OTULINL: variants seen among roughly 807,000 people sequenced by gnomAD.
OTULINL encodes inactive ubiquitin thioesterase OTULINL.
Under a neutral mutation model 43.9 loss-of-function variants are expected in OTULINL, and 42 were observed. The ratio of observed to expected loss-of-function variants is 0.96; its 90% CI spans 0.75 to 1.24. The LOEUF (loss-of-function observed/expected upper bound fraction) is 1.24, where lower values mean the gene tolerates loss of function less well. Ranked by LOEUF, OTULINL falls within the 50% of genes most tolerant of loss-of-function variation. The pLI, the probability that OTULINL is intolerant of heterozygous loss-of-function variation, is 0.00. For synonymous variants in OTULINL, 172 were observed against 153.6 expected, an observed-to-expected ratio of 1.12 and a Z score of -0.88; for missense variants, 411 against 426.4, an observed-to-expected ratio of 0.96 and a Z score of 0.32.
chr5:14,590,783 T>C (rs1214385733), intron 1 of OTULINL, among the ~76,000 whole-genome samples: 1 of 152,218 alleles, frequency 6.6e-6, no homozygotes, highest in Non-Finnish European at 1.5e-5. Flanking sequence ...CTGGCTAGGA[T>C]GCTACTATAG....
chr5:14,604,494 T>C (rs528989792), intron 5 of OTULINL, among the ~76,000 whole-genome samples: 1 of 152,330 alleles, frequency 6.6e-6, no homozygotes, highest in East Asian at 1.9e-4. Flanking sequence ...CATTTCAGCA[T>C]TAACTCAAAA....
chr5:14,592,626 C>A (rs1560961118), intron 1 of OTULINL, among the ~76,000 whole-genome samples: 1 of 152,172 alleles, frequency 6.6e-6, no homozygotes, highest in Non-Finnish European at 1.5e-5. Flanking sequence ...GCTGAGGGAG[C>A]ACTCTGGGAA....
At position 14,612,331 on chromosome 5, in the gene OTULINL, T is replaced by G. The variant is rs1759595171; in HGVS notation, c.*2017T>G. 1 of 152,224 alleles carries G rather than the reference T, an allele frequency of 6.6e-6. No individual in the cohort carries two copies. Among genetic ancestry groups the G allele is most frequent in the South Asian group, 2.1e-4 (1 of 4,826 alleles). The allele number at this position is 152,224 out of a possible 1,614,324, so 9.4% of individuals were successfully genotyped here. A position where few individuals can be genotyped will look rare whatever the true frequency, so the allele number is the denominator to read the frequency against. On this transcript the variant is annotated 3_prime_UTR_variant, in exon 8 of 8. Coordinates refer to ENST00000274217, the MANE Select transcript of OTULINL (RefSeq NM_019018.3). ...CTCACCTTGGATCTCCTTACTAGTG[T>G]AATTATTTCCACATCAATCCAGGAC...
chr5:14,583,966 C>T (rs1405003793), intron 1 of OTULINL, among the ~76,000 whole-genome samples: 1 of 152,102 alleles, frequency 6.6e-6, no homozygotes, highest in Non-Finnish European at 1.5e-5. Flanking sequence ...AAATCATGGA[C>T]TAAGCATCTC....
rs1043290196 is a variant in OTULINL, at chr5:14,609,617, TG to T, written c.898-523del. 2.2e-3 allele frequency among the ~76,000 whole-genome samples: 270 copies of T among 121,698 alleles called. 1 individual carries two copies. The highest frequency in any genetic ancestry group is 8.1e-3 in the African/African-American group (258 of 31,914). The allele number at this position is 121,698 out of a possible 152,430, so 79.8% of individuals were successfully genotyped here. Reference sequence around the variant, plus strand: ...TAATTTTTTTCAAGTAGCTTTTTCCTGTGATTTTTTTTTTTTTTTTTTTTTT... The same window carrying T: ...TAATTTTTTTCAAGTAGCTTTTTCCTTGATTTTTTTTTTTTTTTTTTTTTT... On this transcript the variant is annotated intron_variant, in intron 7 of 7. Coordinates refer to ENST00000274217, the MANE Select transcript of OTULINL (RefSeq NM_019018.3).
At chr5:14,600,114 C>G (rs1759358538) in intron 1 of OTULINL, among the ~76,000 whole-genome samples, 1 of 152,152 alleles carries the variant, frequency 6.6e-6, no homozygotes, top group Admixed American at 6.6e-5. Context: ...GGGAGGGACC[C>G]AGTGGGAGGT....
At chr5:14,603,969 C>G (rs1192084880) in intron 5 of OTULINL, among the ~76,000 whole-genome samples, 2 of 152,150 alleles carry the variant, frequency 1.3e-5, no homozygotes, top group Non-Finnish European at 2.9e-5. Context: ...TCCATTTCAT[C>G]TAGCAAATGC....
Position 14,612,927 on chromosome 5 carries a change from A to T in OTULINL, c.*2613A>T, listed in dbSNP as rs961556465. Among the ~76,000 whole-genome samples, 1 of 29,234 alleles carries T rather than the reference A, an allele frequency of 3.4e-5. No individual in the cohort carries two copies. The highest frequency in any genetic ancestry group is 8.6e-5 in the Non-Finnish European group (1 of 11,578). The allele number at this position is 29,234 out of a possible 152,430, so 19.2% of individuals were successfully genotyped here. ...CATAACATATAGTTTATATTTTAAC[A>T]ATTTTTTTTTTTGAGACGGAGTTTC... On this transcript the variant is annotated 3_prime_UTR_variant, in exon 8 of 8. Coordinates refer to ENST00000274217, the MANE Select transcript of OTULINL (RefSeq NM_019018.3).
chr5:14,593,047 C>T (rs745860276), intron 1 of OTULINL, among the ~76,000 whole-genome samples: 138 of 152,168 alleles, frequency 9.1e-4, no homozygotes, highest in Middle Eastern at 3.2e-3. Flanking sequence ...TCTGTTCCCA[C>T]TAGGAGTCTG....
At chr5:14,605,795 C>T (rs1197309782) in intron 5 of OTULINL, among the ~76,000 whole-genome samples, 1 of 152,198 alleles carries the variant, frequency 6.6e-6, no homozygotes, top group African/African-American at 2.4e-5. Context: ...CTCCAGTTTC[C>T]AAGTTCCTCA....
At position 14,608,747 on chromosome 5, in the gene OTULINL, G is replaced by A. The variant is rs1371553228; in HGVS notation, c.628-1G>A. 6.3e-7 allele frequency: 1 copy of A among 1,594,800 alleles called. No individual in the cohort carries two copies. The highest frequency in any genetic ancestry group is 8.6e-7 in the Non-Finnish European group (1 of 1,166,682). On this transcript the variant is annotated splice_acceptor_variant, in intron 6 of 7. Transcript: ENST00000274217. LOFTEE classifies it high-confidence loss of function. ...AATTTCACTTTTACATCTGTTTTTA[G>A]TGGACTGAATTTAATGGCATTAGAG...
Position 14,614,884 on chromosome 5 carries a change from G to A in OTULINL, c.*4570G>A. Reference sequence around the variant, plus strand: ...TGGTCCTTATAGTCAGTACCATCAGGTCTTAGATTGTTAAGTCATTTTGCT... The same window carrying A: ...TGGTCCTTATAGTCAGTACCATCAGATCTTAGATTGTTAAGTCATTTTGCT... On this transcript the variant is annotated 3_prime_UTR_variant, in exon 8 of 8. Transcript: ENST00000274217. 2.5e-6 allele frequency: 1 copy of A among 397,338 alleles called. No individual in the cohort carries two copies. The highest frequency in any genetic ancestry group is 4.4e-6 in the Non-Finnish European group (1 of 225,814). The allele number at this position is 397,338 out of a possible 1,614,324, so 24.6% of individuals were successfully genotyped here. A position where few individuals can be genotyped will look rare whatever the true frequency, so the allele number is the denominator to read the frequency against.
chr5:14,609,853 C>T (rs976455441), intron 7 of OTULINL, among the ~76,000 whole-genome samples: 5 of 152,144 alleles, frequency 3.3e-5, no homozygotes, highest in African/African-American at 4.8e-5. Context: ...CTCCTGACCT[C>T]GTGATCCGCC....
chr5:14,605,599 G>T (rs553886436), intron 5 of OTULINL, among the ~76,000 whole-genome samples: 1 of 151,916 alleles, frequency 6.6e-6, no homozygotes, highest in Non-Finnish European at 1.5e-5. Flanking sequence ...GAACTTTTAC[G>T]CTCTCTCTTT....
At chr5:14,600,706 A>G (rs1288092921) in intron 1 of OTULINL, among the ~76,000 whole-genome samples, 1 of 152,204 alleles carries the variant, frequency 6.6e-6, no homozygotes, top group East Asian at 1.9e-4. Flanking sequence ...TCTGAAGCCC[A>G]TACTCTTTAT....
chr5:14,614,770 G>C lies in OTULINL; in HGVS notation c.*4456G>C, dbSNP rs995319936. The C allele has an allele frequency of 5.0e-6, 2 of 398,504 alleles. No homozygotes were observed. Among genetic ancestry groups the C allele is most frequent in the African/African-American group, 2.1e-5 (1 of 48,614 alleles). The allele number at this position is 398,504 out of a possible 1,614,324, so 24.7% of individuals were successfully genotyped here. ...GCCAGCATGGAGGAGGGCTGTGTGA[G>C]CAGACTGCTATAGAATGCTAAAGTT... On this transcript the variant is annotated 3_prime_UTR_variant, in exon 8 of 8. Coordinates refer to ENST00000274217, the MANE Select transcript of OTULINL (RefSeq NM_019018.3).
intron 5 of OTULINL, among the ~76,000 whole-genome samples, chr5:14,606,726 A>G (rs1759487207): frequency 6.6e-6 from 1 of 152,226 alleles, no homozygotes; most frequent in Non-Finnish European, 1.5e-5. Context: ...CCCTAACATC[A>G]TTTGGTTAAA....
At position 14,610,420 on chromosome 5, in the gene OTULINL, G is replaced by T; in HGVS notation, c.*106G>T. The T allele has an allele frequency of 8.3e-7, 1 of 1,207,874 alleles. No homozygotes were observed. The highest frequency in any genetic ancestry group is 1.4e-5 in the South Asian group (1 of 71,260). The allele number at this position is 1,207,874 out of a possible 1,614,324, so 74.8% of individuals were successfully genotyped here. On this transcript the variant is annotated 3_prime_UTR_variant, in exon 8 of 8. Transcript: ENST00000274217. ...AGCATTTCAGCATGGAAGGAATTAG[G>T]ACCTTTTCTTCAGGATTACAGGTAC...
intron 1 of OTULINL, among the ~76,000 whole-genome samples, chr5:14,587,404 T>C (rs965404970): frequency 6.6e-6 from 1 of 152,220 alleles, no homozygotes; most frequent in Non-Finnish European, 1.5e-5. Flanking sequence ...AACCAGTCAC[T>C]GTCTAGATAG....
Sources: gnomAD v4.1 joint callset for allele counts (sites outside exome capture counted in the v4.1 genomes callset) on GRCh38, gnomAD v4.1.1 for gene constraint, MANE v1.5 for transcripts, NCBI Gene and HGNC (gene_info 2026-07-23, HGNC 2026-07-21) for gene names.